Variants in VPS13B observed in about 807,000 individuals in gnomAD.
The protein encoded by VPS13B is intermembrane lipid transfer protein VPS13B.
In VPS13B, 285 loss-of-function variants were observed where a neutral mutation model predicts 426.4. That is an observed-to-expected ratio of 0.67 (90% CI 0.61 to 0.74). The LOEUF (loss-of-function observed/expected upper bound fraction) is 0.74. Ranked by LOEUF, VPS13B falls within the 30% of genes least tolerant of loss-of-function variation. The pLI is 0.00. For synonymous variants in VPS13B, 1,676 were observed against 1,676.4 expected, an observed-to-expected ratio of 1.00 and a Z score of 0.01; for missense variants, 4,537 against 4,782.6, an observed-to-expected ratio of 0.95 and a Z score of 1.51.
In VPS13B at chr8:99,323,380, A is replaced by G. The variant is rs568992857; in HGVS notation, c.2824+48126A>G. 1.1e-3 allele frequency among the ~76,000 whole-genome samples: 164 copies of G among 152,322 alleles called. 1 individual carries two copies. Among genetic ancestry groups the G allele is most frequent in the African/African-American group, 3.8e-3 (157 of 41,578 alleles). On this transcript the variant is annotated intron_variant, in intron 19 of 61. Coordinates refer to ENST00000357162, the MANE Select transcript of VPS13B (RefSeq NM_152564.5). Reference sequence around the variant, plus strand: ...CTAACAATTATTGAACAATATTTCCAGATACTATGGTTGATGCTTATTTTC... The same window carrying G: ...CTAACAATTATTGAACAATATTTCCGGATACTATGGTTGATGCTTATTTTC...
At chr8:99,571,136 G>A (rs12548482) in intron 31 of VPS13B, among the ~76,000 whole-genome samples, 26,512 of 151,998 alleles carry the variant, frequency 0.17, 2,838 homozygotes, top group East Asian at 0.39. Context: ...GTTAAACTCT[G>A]TTCCCTTGAT....
At chr8:99,234,148 AG>A in intron 17 of VPS13B, 1 of 783,780 alleles carries the variant, frequency 1.3e-6, no homozygotes, top group East Asian at 2.4e-5. Context: ...GAGGGGGTAA[AG>A]GGGGAGCTCA....
At chr8:99,715,058 T>C (rs1371997741) in intron 36 of VPS13B, among the ~76,000 whole-genome samples, 22 of 152,160 alleles carry the variant, frequency 1.4e-4, no homozygotes, top group Non-Finnish European at 4.4e-5. Flanking sequence ...TTTTCAACTT[T>C]TATGTAGGCC....
At chr8:99,685,580 A>G (rs1420233723) in intron 35 of VPS13B, among the ~76,000 whole-genome samples, 1 of 152,032 alleles carries the variant, frequency 6.6e-6, no homozygotes, top group Admixed American at 6.6e-5. Flanking sequence ...CTGATTGTGT[A>G]TTTTCAAACT....
At chr8:99,507,343 A>T (rs1821556387) in intron 28 of VPS13B, 140 bp downstream of exon 28, 1 of 909,240 alleles carries the variant, frequency 1.1e-6, no homozygotes, top group Non-Finnish European at 1.7e-6. Context: ...AAAATTACAT[A>T]TAAATTTAAA....
intron 22 of VPS13B, among the ~76,000 whole-genome samples, chr8:99,438,428 T>C (rs1276288091): frequency 6.6e-6 from 1 of 152,178 alleles, no homozygotes; most frequent in Non-Finnish European, 1.5e-5. Context: ...ATTATAAAAG[T>C]AAGATTTTAT....
Position 99,642,165 on chromosome 8 carries a change from G to A in VPS13B, c.5575G>A (p.Val1859Ile). 1 of 1,614,130 alleles carries A rather than the reference G, an allele frequency of 6.2e-7. No homozygotes were observed. The highest frequency in any genetic ancestry group is 8.5e-7 in the Non-Finnish European group (1 of 1,180,016). ...AAATCTCCCAGAAGTTGATTCAGATGTTGCTAAGCCCAACCAGGCATGTAT... is the reference window on the plus strand; with the variant it reads ...AAATCTCCCAGAAGTTGATTCAGATATTGCTAAGCCCAACCAGGCATGTAT... ...SLNLPEVDSDVAKPNQACIST... is the reference protein window; with the variant it reads ...SLNLPEVDSDIAKPNQACIST... Residue 1859 changes from valine (V) to isoleucine (I), a missense_variant, in exon 34 of 62, where the codon GTT (valine) becomes ATT (isoleucine). Around this residue, in one of 2 missense-constraint regions of VPS13B, gnomAD observed 4,311 missense variants for 4,474.3 expected, o/e 0.96. Transcript: ENST00000357162.
Position 99,642,438 on chromosome 8 carries a change from G to A in VPS13B, c.5848G>A (p.Val1950Met). ...GAGTTGTCACCACAGAAAGCAGCGA[G>A]TGGAAGTATCCATTTTTGATGCTGT... ...LLSCHHRKQR[V>M]EVSIFDAVLK... Residue 1950 changes from valine (V) to methionine (M), a missense_variant, in exon 34 of 62, where the codon GTG (valine) becomes ATG (methionine). Val to Met is a conservative substitution (Grantham distance 21, BLOSUM62 1). Around this residue, in one of 2 missense-constraint regions of VPS13B, gnomAD observed 4,311 missense variants for 4,474.3 expected, o/e 0.96. Coordinates refer to ENST00000357162, the MANE Select transcript of VPS13B (RefSeq NM_152564.5). The A allele has an allele frequency of 1.2e-6, 2 of 1,614,086 alleles. No individual in the cohort carries two copies. Among genetic ancestry groups the A allele is most frequent in the Non-Finnish European group, 1.7e-6 (2 of 1,180,012 alleles).
chr8:99,281,030 A>T (rs1819143797), intron 19 of VPS13B, among the ~76,000 whole-genome samples: 1 of 152,272 alleles, frequency 6.6e-6, no homozygotes, highest in Admixed American at 6.5e-5. Flanking sequence ...GACCTGCTTC[A>T]TGGAAGACAA....
intron 34 of VPS13B, 114 bp from the exon 35 acceptor site, chr8:99,661,240 C>G: frequency 7.6e-7 from 1 of 1,314,016 alleles, no homozygotes; most frequent in Non-Finnish European, 1.1e-6. Flanking sequence ...AACAATGAAG[C>G]TTGCAAACAG....
chr8:99,048,291 T>A (rs1329221278), intron 3 of VPS13B, among the ~76,000 whole-genome samples: 1 of 152,170 alleles, frequency 6.6e-6, no homozygotes, highest in Non-Finnish European at 1.5e-5. Flanking sequence ...TTGGAGAAAG[T>A]TTCATGCACT....
At chr8:99,405,780 CT>C (rs796534332) in intron 21 of VPS13B, among the ~76,000 whole-genome samples, 97 of 143,284 alleles carry the variant, frequency 6.8e-4, no homozygotes, top group Admixed American at 7.0e-4. Context: ...CCTTTTTTTT[CT>C]TTTTTTTTTT....
intron 36 of VPS13B, among the ~76,000 whole-genome samples, chr8:99,702,348 T>C (rs577237409): frequency 9.2e-5 from 14 of 152,304 alleles, no homozygotes; most frequent in Admixed American, 7.8e-4. Context: ...TATATAACTG[T>C]TGTGACCATC....
chr8:99,395,636 C>T (rs937154849), intron 21 of VPS13B, among the ~76,000 whole-genome samples: 3 of 151,992 alleles, frequency 2.0e-5, no homozygotes, highest in Non-Finnish European at 4.4e-5. Context: ...TATTGTAGCC[C>T]AACATCATTA....
intron 33 of VPS13B, among the ~76,000 whole-genome samples, chr8:99,586,801 A>G (rs1315653261): frequency 6.6e-6 from 1 of 152,158 alleles, no homozygotes; most frequent in East Asian, 1.9e-4. Context: ...TTAAACTACC[A>G]TTGACACTCT....
chr8:99,661,565 A>G, intron 35 of VPS13B, 74 bp downstream of exon 35: 5 of 1,545,474 alleles, frequency 3.2e-6, no homozygotes, highest in Non-Finnish European at 4.4e-6. Flanking sequence ...AGGATCTGTT[A>G]GTAATCTTGA....
At chr8:99,073,699 C>CTTTTT (rs71273160) in intron 3 of VPS13B, among the ~76,000 whole-genome samples, 2 of 83,554 alleles carry the variant, frequency 2.4e-5, no homozygotes, top group South Asian at 4.8e-4. Context: ...ATTTTCTTTC[C>CTTTTT]TTTTTTTTTT....
intron 21 of VPS13B, among the ~76,000 whole-genome samples, chr8:99,417,545 AT>A (rs1816092909): frequency 6.6e-6 from 1 of 152,090 alleles, no homozygotes; most frequent in African/African-American, 2.4e-5. Flanking sequence ...CCCTGTTCAA[AT>A]TTTTTGTTGT....
At position 99,376,237 on chromosome 8, in the gene VPS13B, C is replaced by G. The variant is rs768938455; in HGVS notation, c.2825-7971C>G. ...ATGGTGGATGTGGTCTGTGTCAACT[C>G]AATATCAAACTAATTACCCAGATAT... is the stretch of plus-strand genomic sequence containing the variant. On this transcript the variant is annotated intron_variant, in intron 19 of 61. Coordinates refer to ENST00000357162, the MANE Select transcript of VPS13B (RefSeq NM_152564.5). 1.1e-3 allele frequency among the ~76,000 whole-genome samples: 170 copies of G among 152,162 alleles called. 1 individual carries two copies. Among genetic ancestry groups the G allele is most frequent in the Non-Finnish European group, 1.2e-3 (82 of 68,024 alleles).
Sources: allele counts gnomAD v4.1 joint callset (sites outside exome capture counted in the v4.1 genomes callset), GRCh38; gene constraint gnomAD v4.1.1; regional missense constraint gnomAD v4.1.1; transcripts MANE v1.5; gene names NCBI Gene and HGNC (gene_info 2026-07-23, HGNC 2026-07-21).